PHF3: variants seen among roughly 807,000 people sequenced by gnomAD.
The protein encoded by PHF3 is PHD finger protein 3.
Under a neutral mutation model 178.4 loss-of-function variants are expected in PHF3, and 41 were observed. That is an observed-to-expected ratio of 0.23 (90% CI 0.18 to 0.30). PHF3 has a LOEUF of 0.30. Ranked by LOEUF, PHF3 falls within the 10% of genes least tolerant of loss-of-function variation. PHF3 has a pLI of 1.00. For missense variants in PHF3, 2,346 were observed against 2,398.1 expected, an observed-to-expected ratio of 0.98 and a Z score of 0.45; for synonymous variants, 842 against 800.5, an observed-to-expected ratio of 1.05 and a Z score of -0.88.
chr6:63,674,099 A>G (rs894025809), intron 2 of PHF3, among the ~76,000 whole-genome samples: 1 of 151,962 alleles, frequency 6.6e-6, no homozygotes, highest in African/African-American at 2.4e-5. Flanking sequence ...GACAAACTTA[A>G]AGATATACAA....
chr6:63,701,709 C>G (rs1192866945), intron 9 of PHF3, among the ~76,000 whole-genome samples: 1 of 152,142 alleles, frequency 6.6e-6, no homozygotes, highest in Non-Finnish European at 1.5e-5. Flanking sequence ...CCTTTACCTT[C>G]ACCGTATGTA....
In PHF3 at chr6:63,712,366, T is replaced by C; in HGVS notation, c.4778T>C (p.Leu1593Ser). The change falls in exon 16 of 16, where the codon TTA becomes TCA. Residue 1593 changes from leucine to serine, a missense_variant. Transcript: ENST00000262043. ...ACTGTGGAGAGTAAAGAGAAAACAT[T>C]AAAAAGACAGCTTCAGGAAGATCAA... ...EETVESKEKT[L>S]KRQLQEDQEN... The C allele has an allele frequency of 1.2e-6, 2 of 1,613,682 alleles. No individual in the cohort carries two copies. The highest frequency in any genetic ancestry group is 1.7e-6 in the Non-Finnish European group (2 of 1,179,906).
intron 1 of PHF3, chr6:63,636,738 G>T (rs1372256539): frequency 6.6e-6 from 1 of 152,234 alleles, no homozygotes; most frequent in African/African-American, 2.4e-5. Context: ...TCAAACTGTG[G>T]ACTCCTTTTG....
intron 3 of PHF3, 108 bp from the exon 4 acceptor site, chr6:63,684,021 G>T: frequency 1.2e-6 from 1 of 848,712 alleles, no homozygotes; most frequent in Non-Finnish European, 1.8e-6. Flanking sequence ...TTTTTGTTGA[G>T]CAAATTATAG....
At chr6:63,700,251 A>T in intron 8 of PHF3, 99 bp from the exon 9 acceptor site, 1 of 578,028 alleles carries the variant, frequency 1.7e-6, no homozygotes. Context: ...AGTATTTGTA[A>T]ATCAGTCTTC....
At position 63,687,828 on chromosome 6, in the gene PHF3, A is replaced by G. The variant is rs148257363; in HGVS notation, c.2189+1917A>G. ...CTGCCACCTTTTGGATCTACTGTAT[A>G]GAATCTAGAGTGTTTTTGCTCAAGT... On this transcript the variant is annotated intron_variant, in intron 4 of 15. Transcript: ENST00000262043. Among the ~76,000 whole-genome samples the G allele has an allele frequency of 1.7e-3, 259 of 152,292 alleles. 7 individuals carry two copies. In the East Asian group the frequency reaches 0.046, roughly 27 times the overall value.
At chr6:63,646,932 T>C (rs1764816097) in intron 2 of PHF3, 137 bp downstream of exon 2, 1 of 605,474 alleles carries the variant, frequency 1.7e-6, no homozygotes, top group Admixed American at 4.1e-5. Context: ...GGTTATTTCC[T>C]TTGAATTTAG....
chr6:63,703,791 TCA>T (rs1767579807), intron 11 of PHF3, 120 bp downstream of exon 11: 1 of 902,754 alleles, frequency 1.1e-6, no homozygotes, highest in Non-Finnish European at 1.7e-6. Flanking sequence ...AGGCACTCAC[TCA>T]CAGTCTTTAA....
In PHF3 at chr6:63,721,287, G is replaced by A. The variant is rs776842698; in HGVS notation, c.*7579G>A. ...GTGGAGGCAAAGATTATTCAAACAG[G>A]ACACAGACTGGTTACATGTATTTCC... On this transcript the variant is annotated 3_prime_UTR_variant, in exon 16 of 16. Transcript: ENST00000262043. 6.4e-7 allele frequency: 1 copy of A among 1,551,936 alleles called. No individual in the cohort carries two copies. The highest frequency in any genetic ancestry group is 8.7e-7 in the Non-Finnish European group (1 of 1,147,012).
intron 4 of PHF3, among the ~76,000 whole-genome samples, chr6:63,689,841 T>C (rs748416249): frequency 1.3e-5 from 2 of 152,126 alleles, no homozygotes; most frequent in Non-Finnish European, 2.9e-5. Context: ...GTACTGTAGG[T>C]TTTTAAGTCA....
At chr6:63,656,673 G>A (rs115107438) in intron 2 of PHF3, among the ~76,000 whole-genome samples, 1,789 of 152,240 alleles carry the variant, frequency 0.012, 28 homozygotes, top group African/African-American at 0.041. Flanking sequence ...GATTAGAGCT[G>A]TTGTTTCCCT....
At chr6:63,711,112 C>A in intron 14 of PHF3, 55 bp from the exon 15 acceptor site, 2 of 1,259,852 alleles carry the variant, frequency 1.6e-6, no homozygotes, top group South Asian at 1.6e-5. Context: ...GTTTTAAAAC[C>A]AAGCTACTCT....
chr6:63,656,479 G>A (rs1188150187), intron 2 of PHF3, among the ~76,000 whole-genome samples: 2 of 152,154 alleles, frequency 1.3e-5, no homozygotes, highest in African/African-American at 4.8e-5. Flanking sequence ...GTGTTTGTAT[G>A]TGTGTTTGTA....
intron 5 of PHF3, among the ~76,000 whole-genome samples, chr6:63,693,861 T>C (rs2149593724): frequency 6.6e-6 from 1 of 152,356 alleles, no homozygotes; most frequent in East Asian, 1.9e-4. Flanking sequence ...ATTGAGTTTC[T>C]GTTGTGTGGC....
intron 14 of PHF3, 36 bp downstream of exon 14, chr6:63,709,276 A>G: frequency 7.7e-7 from 1 of 1,297,008 alleles, no homozygotes; most frequent in South Asian, 1.2e-5. Context: ...CAGCATGGGA[A>G]AATGTTTAGA....
chr6:63,700,857 C>T (rs1449282687), intron 9 of PHF3, among the ~76,000 whole-genome samples: 5 of 152,196 alleles, frequency 3.3e-5, no homozygotes, highest in Admixed American at 3.3e-4. Context: ...GTGGGGATTA[C>T]AGGCATGAGC....
chr6:63,725,913 CTATA>C lies in PHF3; in HGVS notation c.*12207_*12210del, dbSNP rs1420475624. On this transcript the variant is annotated 3_prime_UTR_variant, in exon 16 of 16. Transcript: ENST00000262043. The stretch of plus-strand genomic sequence containing the variant: ...AAAATACTTAGCAATAGAGATGTAA[CTATA>C]TGTGCAGATGTCTTTGTCAGAATTT... Among the ~76,000 whole-genome samples the C allele has an allele frequency of 2.0e-5, 3 of 151,988 alleles. No individual in the cohort carries two copies. Among genetic ancestry groups the C allele is most frequent in the Non-Finnish European group, 4.4e-5 (3 of 67,936 alleles).
chr6:63,672,723 A>ATATATATATATATAAGTT (rs1765974222), intron 2 of PHF3, among the ~76,000 whole-genome samples: 1 of 152,152 alleles, frequency 6.6e-6, no homozygotes, highest in Admixed American at 6.5e-5. Flanking sequence ...GATGAGCCGT[A>ATATATATATATATAAGTT]ACCTAGCTTA....
At position 63,717,869 on chromosome 6, in the gene PHF3, AAG is replaced by A. The variant is rs1399002260; in HGVS notation, c.*4162_*4163del. Among the ~76,000 whole-genome samples the A allele has an allele frequency of 3.3e-5, 5 of 152,004 alleles. No homozygotes were observed. Among genetic ancestry groups the A allele is most frequent in the East Asian group, 1.9e-4 (1 of 5,200 alleles). On this transcript the variant is annotated 3_prime_UTR_variant, in exon 16 of 16. Transcript: ENST00000262043. ...ACTTATTATTTATAAGGAGACCAAA[AAG>A]GTAAATATTACTGCACCTTATTTTT...
Sources: allele counts gnomAD v4.1 joint callset (sites outside exome capture counted in the v4.1 genomes callset), GRCh38; gene constraint gnomAD v4.1.1; transcripts MANE v1.5; gene names NCBI Gene and HGNC (gene_info 2026-07-23, HGNC 2026-07-21).